Variants in SLC4A5 observed in about 807,000 individuals in gnomAD.
SLC4A5 encodes the protein electrogenic sodium bicarbonate cotransporter 4.
SLC4A5 carries 96 observed loss-of-function variants against 120.4 expected under a neutral mutation model. The observed-to-expected ratio is 0.80, with a 90% CI of 0.68 to 0.94. The LOEUF (loss-of-function observed/expected upper bound fraction) is 0.94, where lower values mean the gene tolerates loss of function less well. SLC4A5 is among the 40% of genes least tolerant of loss of function. The pLI is 0.00. For missense variants in SLC4A5, 1,259 were observed against 1,459.5 expected, an observed-to-expected ratio of 0.86 and a Z score of 2.24; for synonymous variants, 550 against 571.1, an observed-to-expected ratio of 0.96 and a Z score of 0.53.
rs60475335 is a variant in SLC4A5 at position 74,269,378 on chromosome 2, TTTTGTTTGTTTG to T, written c.402-4126_402-4115del. On this transcript the variant is annotated intron_variant, in intron 8 of 30. Coordinates refer to ENST00000394019, the Ensembl canonical transcript of SLC4A5. ...CTGCCACCAGGCCCGGCTGTTTGTTTTTTGTTTGTTTGTTTGTTTGTTTGTTTGTTTTTTAGT... is the reference window on the plus strand; with the variant it reads ...CTGCCACCAGGCCCGGCTGTTTGTTTTTTGTTTGTTTGTTTGTTTTTTAGT... Among the ~76,000 whole-genome samples the T allele has an allele frequency of 3.3e-5, 5 of 150,978 alleles. No individual in the cohort carries two copies. The South Asian group carries it at 6.3e-4, about 19-fold the overall frequency.
At chr2:74,284,132 G>A (rs1261277393) in intron 8 of SLC4A5, among the ~76,000 whole-genome samples, 1 of 151,248 alleles carries the variant, frequency 6.6e-6, no homozygotes, top group Non-Finnish European at 1.5e-5. Context: ...ACAGGCATGA[G>A]CCACTGTGCC....
intron 4 of SLC4A5, among the ~76,000 whole-genome samples, chr2:74,330,106 G>GGTGAGGTGTAGATGGTGGTC (rs1673315491): frequency 6.6e-6 from 1 of 151,330 alleles, no homozygotes; most frequent in African/African-American, 2.4e-5. Flanking sequence ...AGGTGAGGGT[G>GGTGAGGTGTAGATGGTGGTC]GTGAGGTGTA....
intron 8 of SLC4A5, among the ~76,000 whole-genome samples, chr2:74,272,168 G>C (rs748977223): frequency 5.9e-5 from 9 of 152,206 alleles, no homozygotes; most frequent in Non-Finnish European, 1.2e-4. Flanking sequence ...GTGTCAACCT[G>C]ACCTAGCATG....
intron 5 of SLC4A5, among the ~76,000 whole-genome samples, chr2:74,317,295 T>A (rs902242952): frequency 2.0e-5 from 3 of 152,220 alleles, no homozygotes; most frequent in African/African-American, 7.2e-5. Context: ...ATTTTACTTT[T>A]GTTGTGTTTG....
intron 7 of SLC4A5, among the ~76,000 whole-genome samples, chr2:74,299,133 C>T (rs1573076410): frequency 7.1e-6 from 1 of 141,196 alleles, no homozygotes; most frequent in Admixed American, 6.8e-5. Flanking sequence ...GGCAGATCAC[C>T]TGAGGCTGGG....
intron 26 of SLC4A5, 172 bp downstream of exon 26, chr2:74,227,638 T>C: frequency 7.7e-7 from 1 of 1,293,486 alleles, no homozygotes; most frequent in Non-Finnish European, 1.1e-6. Flanking sequence ...CTAACATATT[T>C]ATTTTGCCTG....
At chr2:74,329,293 TAA>T (rs1208164778) in intron 4 of SLC4A5, among the ~76,000 whole-genome samples, 1 of 151,510 alleles carries the variant, frequency 6.6e-6, no homozygotes, top group Non-Finnish European at 1.5e-5. Flanking sequence ...GAAATGTAGA[TAA>T]AGATAGTAAA....
intron 7 of SLC4A5, among the ~76,000 whole-genome samples, chr2:74,293,773 G>T (rs189417724): frequency 2.6e-5 from 4 of 152,278 alleles, no homozygotes; most frequent in Admixed American, 2.6e-4. Flanking sequence ...GTTCAAATAG[G>T]TTTCTGGCAT....
At chr2:74,315,049 C>CATGTTGG in intron 5 of SLC4A5, 24 bp from the exon 6 acceptor site, 2 of 1,580,016 alleles carry the variant, frequency 1.3e-6, no homozygotes, top group East Asian at 4.5e-5. Context: ...GGAACACAGC[C>CATGTTGG]TCAAAATGTA....
At chr2:74,328,264 C>T in intron 4 of SLC4A5, 78 bp from the exon 5 acceptor site, 1 of 906,750 alleles carries the variant, frequency 1.1e-6, no homozygotes, top group Non-Finnish European at 1.3e-6. Flanking sequence ...ACTTCTGAGG[C>T]TCAGTGGCGG....
At chr2:74,278,971 G>A (rs1169319172) in intron 8 of SLC4A5, among the ~76,000 whole-genome samples, 1 of 152,162 alleles carries the variant, frequency 6.6e-6, no homozygotes, top group Non-Finnish European at 1.5e-5. Flanking sequence ...CCACAGACCG[G>A]CCTGGAATTC....
chr2:74,336,431 T>C (rs1022448221), intron 3 of SLC4A5, among the ~76,000 whole-genome samples: 5 of 152,188 alleles, frequency 3.3e-5, no homozygotes, highest in Admixed American at 6.5e-5. Context: ...GGAGATCACA[T>C]GACTTTGGGC....
At chr2:74,325,211 A>C (rs1673190845) in intron 5 of SLC4A5, among the ~76,000 whole-genome samples, 1 of 152,242 alleles carries the variant, frequency 6.6e-6, no homozygotes, top group Admixed American at 6.5e-5. Flanking sequence ...ATTGGAAAAG[A>C]AAGTTTGTTG....
rs148349884 is a variant in SLC4A5 at position 74,232,605 on chromosome 2, G to C, written c.2638C>G (p.Leu880Val). The C allele has an allele frequency of 4.8e-4, 769 of 1,613,752 alleles. No homozygotes were observed. The highest frequency in any genetic ancestry group is 6.1e-4 in the Non-Finnish European group (722 of 1,179,872). ...CCCATAAAGGAGCACAAAGCCATGA[G>C]GATGCCCACCCAGAACAGGTCCAGA... The change falls in exon 24 of 31, where the codon CTC (leucine) becomes GTC (valine). Residue 880 changes from leucine to valine, a missense_variant. Transcript: ENST00000394019.
chr2:74,307,147 C>T, intron 6 of SLC4A5: 2 of 559,320 alleles, frequency 3.6e-6, no homozygotes, highest in Non-Finnish European at 6.7e-6. Context: ...ATCTCAGCAG[C>T]TCCAACCTTG....
chr2:74,315,039 G>C lies in SLC4A5; in HGVS notation c.-2-14C>G, dbSNP rs755505324. On this transcript the variant is annotated splice_polypyrimidine_tract_variant and intron_variant, in intron 5 of 30. Coordinates refer to ENST00000394019, the Ensembl canonical transcript of SLC4A5. ...TCACCTTCATGACTATAAAGTAAAA[G>C]GAACACAGCCTCAAAATGTATACAT... The C allele has an allele frequency of 1.9e-6, 3 of 1,605,964 alleles. No individual in the cohort carries two copies. The highest frequency in any genetic ancestry group is 1.1e-5 in the South Asian group (1 of 90,924).
chr2:74,245,689 G>T (rs749510997), intron 19 of SLC4A5, among the ~76,000 whole-genome samples: 1 of 152,354 alleles, frequency 6.6e-6, no homozygotes, highest in East Asian at 1.9e-4. Context: ...GTCACAGAGA[G>T]AAGGGGTTAT....
chr2:74,314,754 T>G (rs1033699220), intron 6 of SLC4A5, among the ~76,000 whole-genome samples, 191 bp downstream of exon 6: 1 of 152,194 alleles, frequency 6.6e-6, no homozygotes, highest in African/African-American at 2.4e-5. Flanking sequence ...GTTTCCTGTC[T>G]CCAGCTTGAC....
At chr2:74,264,067 C>T in intron 10 of SLC4A5, 80 bp downstream of exon 10, 1 of 1,520,644 alleles carries the variant, frequency 6.6e-7, no homozygotes, top group African/African-American at 1.4e-5. Flanking sequence ...CTCCCAGCCC[C>T]TAAGGTGGGC....
Sources: gnomAD v4.1 joint callset for allele counts (sites outside exome capture counted in the v4.1 genomes callset) on GRCh38, gnomAD v4.1.1 for gene constraint, MANE v1.5 for transcripts, NCBI Gene and HGNC (gene_info 2026-07-23, HGNC 2026-07-21) for gene names.